Variants in HYCC1 observed in about 807,000 individuals in gnomAD.
The protein encoded by HYCC1 is hyccin.
At chr7:22,993,820 A>G in the HYCC1 span, among the ~76,000 whole-genome samples, 12 of 152,186 alleles carry the variant, frequency 7.9e-5, no homozygotes, top group South Asian at 2.1e-4. Context: ...AATTGGTACA[A>G]TATCTTGGAA....
At chr7:22,935,229 TTTC>T in the HYCC1 span, 2 of 152,266 alleles carry the variant, frequency 1.3e-5, no homozygotes, top group Non-Finnish European at 2.9e-5. Flanking sequence ...TCTGGTTATT[TTTC>T]TTTTCTCTTG....
At chr7:22,945,445 C>T in the HYCC1 span, 1 of 677,910 alleles carries the variant, frequency 1.5e-6, no homozygotes, top group South Asian at 1.7e-5. Context: ...ACAATCTTCC[C>T]TTCATAAAGT....
chr7:22,931,310 A>C, the HYCC1 span, among the ~76,000 whole-genome samples: 5 of 150,882 alleles, frequency 3.3e-5, no homozygotes, highest in African/African-American at 1.2e-4. Context: ...ACACTTCTAC[A>C]CCCTTCAAAG....
the HYCC1 span, chr7:22,945,569 G>C: frequency 6.4e-7 from 1 of 1,557,334 alleles, no homozygotes; most frequent in Non-Finnish European, 8.9e-7. Flanking sequence ...CTAGGTTATG[G>C]GAGAAAAATA....
the HYCC1 span, chr7:22,976,077 C>A: frequency 1.5e-6 from 1 of 670,638 alleles, no homozygotes. Context: ...GTTGGGTAGG[C>A]TGAGCTTTAC....
At chr7:23,008,213 T>A in the HYCC1 span, among the ~76,000 whole-genome samples, 1 of 152,200 alleles carries the variant, frequency 6.6e-6, no homozygotes, top group African/African-American at 2.4e-5. Context: ...TAGAAAACAG[T>A]ATACGAGAAT....
At chr7:22,988,629 A>G in the HYCC1 span, among the ~76,000 whole-genome samples, 4 of 152,212 alleles carry the variant, frequency 2.6e-5, no homozygotes, top group African/African-American at 9.7e-5. Flanking sequence ...GTACAGATAC[A>G]TACACACATA....
At chr7:23,001,566 T>G in the HYCC1 span, among the ~76,000 whole-genome samples, 4 of 152,332 alleles carry the variant, frequency 2.6e-5, 1 homozygote, top group South Asian at 8.3e-4. Flanking sequence ...TTCAGATGAT[T>G]GTGTTTGGCA....
chr7:23,000,107 A>AT, the HYCC1 span, among the ~76,000 whole-genome samples: 1 of 152,022 alleles, frequency 6.6e-6, no homozygotes, highest in Non-Finnish European at 1.5e-5. Context: ...TTTACGGGAG[A>AT]TTTTTTTAAA....
the HYCC1 span, among the ~76,000 whole-genome samples, chr7:22,921,248 G>T: frequency 6.6e-6 from 1 of 152,070 alleles, no homozygotes; most frequent in Non-Finnish European, 1.5e-5. Context: ...GTATTCTTGG[G>T]CCTAAAACAT....
the HYCC1 span, chr7:22,937,490 T>C: frequency 6.6e-6 from 1 of 152,216 alleles, no homozygotes; most frequent in African/African-American, 2.4e-5. Context: ...TGATGCATAA[T>C]TTACTTCTCA....
chr7:23,006,757 C>G, the HYCC1 span, among the ~76,000 whole-genome samples: 3 of 152,138 alleles, frequency 2.0e-5, no homozygotes, highest in African/African-American at 7.2e-5. Context: ...TATGAGAAAG[C>G]AACTAATGTT....
the HYCC1 span, among the ~76,000 whole-genome samples, chr7:22,897,768 C>A: frequency 2.6e-5 from 4 of 151,862 alleles, no homozygotes; most frequent in African/African-American, 9.7e-5. Flanking sequence ...ACCACACCAG[C>A]TAATTTTTGT....
the HYCC1 span, chr7:22,991,151 CAT>C: frequency 2.0e-6 from 3 of 1,538,046 alleles, no homozygotes; most frequent in East Asian, 2.3e-5. Flanking sequence ...TGAAAATTAA[CAT>C]AGAAAAATGT....
At chr7:22,950,236 C>T in the HYCC1 span, among the ~76,000 whole-genome samples, 1 of 151,946 alleles carries the variant, frequency 6.6e-6, no homozygotes, top group Non-Finnish European at 1.5e-5. Flanking sequence ...GTCAACCCAT[C>T]CAAAGTTTTA....
the HYCC1 span, among the ~76,000 whole-genome samples, chr7:22,933,684 T>C: frequency 1.3e-5 from 2 of 152,250 alleles, no homozygotes; most frequent in Admixed American, 6.5e-5. Context: ...TAAATATGTA[T>C]GTTTTGCATT....
chr7:22,973,423 A>G, the HYCC1 span, among the ~76,000 whole-genome samples: 1 of 152,244 alleles, frequency 6.6e-6, no homozygotes, highest in African/African-American at 2.4e-5. Flanking sequence ...TTGAGAATAC[A>G]GTCAATAGGG....
chr7:22,914,116 C>T, the HYCC1 span, among the ~76,000 whole-genome samples: 1 of 152,372 alleles, frequency 6.6e-6, no homozygotes, highest in Admixed American at 6.5e-5. Context: ...TAGCTGGTCA[C>T]AGACTCAGGA....
chr7:23,006,497 G>C, the HYCC1 span, among the ~76,000 whole-genome samples: 3 of 152,070 alleles, frequency 2.0e-5, no homozygotes, highest in African/African-American at 7.2e-5. Flanking sequence ...TCGATCTCTT[G>C]ACCTCGTGAT....
Sources: gnomAD v4.1 joint callset for allele counts (sites outside exome capture counted in the v4.1 genomes callset) on GRCh38, gnomAD v4.1.1 for gene constraint, MANE v1.5 for transcripts, NCBI Gene and HGNC (gene_info 2026-07-23, HGNC 2026-07-21) for gene names.